SMC5: variants seen among roughly 807,000 people sequenced by gnomAD.
SMC5 encodes the protein structural maintenance of chromosomes 5.
In SMC5, 88 loss-of-function variants were observed where a neutral mutation model predicts 148.3. The ratio of observed to expected loss-of-function variants is 0.59; its 90% confidence interval spans 0.50 to 0.71. SMC5 has a LOEUF of 0.71. Among genes scored for constraint, SMC5 ranks in the 30% least tolerant of loss-of-function variants. SMC5 has a pLI of 0.00. For missense variants in SMC5, 1,142 were observed against 1,298.9 expected (o/e 0.88, Z 1.86); for synonymous variants, 421 against 432.8 (o/e 0.97, Z 0.34).
At chr9:70,270,123 A>G (rs2118035132) in intron 3 of SMC5, among the ~76,000 whole-genome samples, 1 of 152,254 alleles carries the variant, frequency 6.6e-6, no homozygotes. Context: ...TGCCATTTGT[A>G]AGTCTTAGGT....
intron 22 of SMC5, 124 bp from the exon 23 acceptor site, chr9:70,349,990 T>G (rs2036765032): frequency 1.9e-6 from 1 of 514,150 alleles, no homozygotes; most frequent in South Asian, 3.8e-5. Context: ...TGTTACATAT[T>G]TAAACTAGTG....
chr9:70,295,223 C>T (rs757599922), intron 8 of SMC5, among the ~76,000 whole-genome samples: 12 of 151,516 alleles, frequency 7.9e-5, no homozygotes, highest in South Asian at 4.2e-4. Flanking sequence ...CCCAGCACTT[C>T]GGGAGGCCAA....
chr9:70,340,154 G>A (rs1386100687), intron 17 of SMC5, among the ~76,000 whole-genome samples: 1 of 151,750 alleles, frequency 6.6e-6, no homozygotes, highest in East Asian at 1.9e-4. Flanking sequence ...ATTAATATTA[G>A]TTATAAAGAT....
intron 11 of SMC5, among the ~76,000 whole-genome samples, chr9:70,313,870 T>C (rs1025949951): frequency 1.3e-5 from 2 of 152,178 alleles, no homozygotes; most frequent in Non-Finnish European, 2.9e-5. Context: ...TTATCAATTA[T>C]CTTCTTCCAA....
chr9:70,259,794 A>C (rs989459362), intron 1 of SMC5, among the ~76,000 whole-genome samples: 2 of 151,984 alleles, frequency 1.3e-5, no homozygotes, highest in African/African-American at 2.4e-5. Context: ...CAAACCCTTG[A>C]CCCCACTAAA....
Position 70,333,638 on chromosome 9 carries a change from G to A in SMC5, c.2397+9495G>A, listed in dbSNP as rs372139487. ...CCCAGCTACTCGGGAGGCTGAGACA[G>A]GAGGATCACTTGAACCCAGAAGGCA... On this transcript the variant is annotated intron_variant, in intron 17 of 24. Coordinates refer to ENST00000361138, the MANE Select transcript of SMC5 (RefSeq NM_015110.4). 3.3e-5 allele frequency among the ~76,000 whole-genome samples: 5 copies of A among 152,300 alleles called. No individual in the cohort carries two copies. In the East Asian group the frequency reaches 9.6e-4, roughly 29 times the overall value.
chr9:70,277,740 GCTT>G (rs1476218415), intron 4 of SMC5, among the ~76,000 whole-genome samples: 2 of 151,884 alleles, frequency 1.3e-5, no homozygotes, highest in Non-Finnish European at 2.9e-5. Context: ...ATAGCTATGT[GCTT>G]CTATTTGTAG....
chr9:70,306,800 A>C (rs2118486889), intron 11 of SMC5, among the ~76,000 whole-genome samples: 1 of 152,292 alleles, frequency 6.6e-6, no homozygotes, highest in East Asian at 1.9e-4. Context: ...TGCTCATCAG[A>C]TAGAACCAGA....
At chr9:70,321,660 G>A (rs899627993) in intron 15 of SMC5, among the ~76,000 whole-genome samples, 6 of 152,068 alleles carry the variant, frequency 3.9e-5, no homozygotes, top group African/African-American at 1.4e-4. Context: ...AGGATTACAG[G>A]CATGAGCCAC....
At chr9:70,350,582 G>GA in intron 24 of SMC5, 111 bp downstream of exon 24, 1 of 613,706 alleles carries the variant, frequency 1.6e-6, no homozygotes. Context: ...CCCAAAAAAG[G>GA]AATTTAAAAG....
At chr9:70,294,437 C>G (rs905564005) in intron 8 of SMC5, among the ~76,000 whole-genome samples, 2 of 152,008 alleles carry the variant, frequency 1.3e-5, no homozygotes, top group Non-Finnish European at 2.9e-5. Context: ...TGGGCTTTTT[C>G]CTGGCCAGTG....
intron 1 of SMC5, among the ~76,000 whole-genome samples, chr9:70,260,926 A>G (rs973236907): frequency 1.3e-5 from 2 of 152,054 alleles, no homozygotes; most frequent in African/African-American, 4.8e-5. Context: ...ATTTTTTTGT[A>G]GAGATGGGGT....
chr9:70,342,208 G>A (rs2036544850), intron 17 of SMC5, among the ~76,000 whole-genome samples: 1 of 139,822 alleles, frequency 7.2e-6, no homozygotes, highest in African/African-American at 2.7e-5. Context: ...ATGGACACAG[G>A]AAGGGGAACA....
chr9:70,322,740 G>A (rs1245976314), intron 15 of SMC5, among the ~76,000 whole-genome samples: 1 of 152,136 alleles, frequency 6.6e-6, no homozygotes, highest in South Asian at 2.1e-4. Flanking sequence ...GGAGGCTGAG[G>A]CAGGAGAATT....
In SMC5 at chr9:70,286,553, A is replaced by G. The variant is rs1401103605; in HGVS notation, c.1053+282A>G. On this transcript the variant is annotated intron_variant, in intron 8 of 24. Transcript: ENST00000361138. ...GGTGGATTTGGTTACCTTAACAGCA[A>G]AAACTAAGGTCTAAGGGATTTATTC... 2.0e-5 allele frequency among the ~76,000 whole-genome samples: 3 copies of G among 152,262 alleles called. No individual in the cohort carries two copies. The East Asian group carries it at 5.8e-4, about 29-fold the overall frequency.
intron 9 of SMC5, among the ~76,000 whole-genome samples, chr9:70,298,828 T>C (rs1287296938): frequency 6.6e-6 from 1 of 151,966 alleles, no homozygotes; most frequent in East Asian, 1.9e-4. Flanking sequence ...CTTTTAACTC[T>C]TTAAGAAGAT....
intron 7 of SMC5, among the ~76,000 whole-genome samples, chr9:70,284,004 A>G (rs1419878428): frequency 6.6e-6 from 1 of 152,202 alleles, no homozygotes; most frequent in East Asian, 1.9e-4. Context: ...TTCTCTTTTT[A>G]GGCACCTGAA....
In SMC5 at chr9:70,353,406, A is replaced by G. The variant is rs772699020; in HGVS notation, c.*1075A>G. 2.6e-5 allele frequency: 4 copies of G among 152,178 alleles called. No individual in the cohort carries two copies. Among genetic ancestry groups the G allele is most frequent in the African/African-American group, 9.6e-5 (4 of 41,460 alleles). 9.4% of individuals were successfully genotyped at this position (152,178 alleles called of 1,614,324 possible). A position where few individuals can be genotyped will look rare whatever the true frequency, so the allele number is the denominator to read the frequency against. The stretch of plus-strand genomic sequence containing the variant: ...ATGGGAAAATCATTTGTTTATCTCT[A>G]AGTTATACTAATTAGTAGAACCAAA... On this transcript the variant is annotated 3_prime_UTR_variant, in exon 25 of 25. Transcript: ENST00000361138.
chr9:70,335,453 C>CTA (rs1434057168), intron 17 of SMC5, among the ~76,000 whole-genome samples: 1 of 152,054 alleles, frequency 6.6e-6, no homozygotes, highest in Non-Finnish European at 1.5e-5. Context: ...TGTCACTGCG[C>CTA]TATAGCCTAG....
Sources: allele counts gnomAD v4.1 joint callset (sites outside exome capture counted in the v4.1 genomes callset), GRCh38; gene constraint gnomAD v4.1.1; transcripts MANE v1.5; gene names NCBI Gene and HGNC (gene_info 2026-07-23, HGNC 2026-07-21).